The following MGAT4C variants were observed in gnomAD, a reference collection of about 807,000 sequenced individuals.
The protein encoded by MGAT4C is MGAT4 family member C, also known as alpha-1,3-mannosyl-glycoprotein 4-beta-N-acetylglucosaminyltransferase C.
MGAT4C carries 19 observed loss-of-function variants against 40.1 expected under a neutral mutation model. The ratio of observed to expected loss-of-function variants is 0.47; its 90% CI spans 0.33 to 0.70. The LOEUF (loss-of-function observed/expected upper bound fraction) is 0.70, where lower values mean the gene tolerates loss of function less well. MGAT4C is among the 30% of genes least tolerant of loss of function. The pLI is 0.02. For missense variants in MGAT4C, 491 were observed against 563.2 expected (o/e 0.87, Z 1.30); for synonymous variants, 181 against 187.1 (o/e 0.97, Z 0.27).
intron 2 of MGAT4C, among the ~76,000 whole-genome samples, chr12:86,581,293 C>A (rs994290154): frequency 6.6e-6 from 1 of 151,322 alleles, no homozygotes; most frequent in Non-Finnish European, 1.5e-5. Flanking sequence ...CTTCCTTGTG[C>A]CTAGATAATA....
Position 86,652,962 on chromosome 12 carries a change from T to C in MGAT4C, c.-229+74247A>G, listed in dbSNP as rs967276179. On this transcript the variant is annotated intron_variant, in intron 2 of 7. Transcript: ENST00000548651. ...TAATCATACCAAAATTTGTCATTTT[T>C]TTAGTACTCACAACAGAATTATTCT... Among the ~76,000 whole-genome samples the C allele has an allele frequency of 5.2e-4, 79 of 152,048 alleles. 1 individual carries two copies. The highest frequency in any genetic ancestry group is 1.5e-3 in the Admixed American group (23 of 15,216).
chr12:86,124,191 G>A (rs1879887923), intron 1 of MGAT4C, among the ~76,000 whole-genome samples: 2 of 152,060 alleles, frequency 1.3e-5, no homozygotes. Context: ...TACACTACCT[G>A]TGTCATTAGC....
chr12:86,734,584 C>T (rs1565954899), intron 1 of MGAT4C, among the ~76,000 whole-genome samples: 2 of 151,944 alleles, frequency 1.3e-5, no homozygotes. Context: ...AGATTAATAA[C>T]CCCCATAGAA....
At chr12:86,026,761 C>T (rs1237433150) in intron 2 of MGAT4C, among the ~76,000 whole-genome samples, 4 of 151,846 alleles carry the variant, frequency 2.6e-5, no homozygotes, top group African/African-American at 9.7e-5. Flanking sequence ...GATCTTCCCC[C>T]AGTAAATTTA....
Position 86,399,426 on chromosome 12 carries a change from C to T in MGAT4C, c.-120+35731G>A, listed in dbSNP as rs547173099. ...CCTCCCGAGTAGCTGGGACTACAGG[C>T]GCCCGCCACCACACCCGGCTAATTT... On this transcript the variant is annotated intron_variant, in intron 3 of 7. Transcript: ENST00000548651. Among the ~76,000 whole-genome samples the T allele has an allele frequency of 2.5e-3, 386 of 151,968 alleles. 2 individuals are homozygous for T. The highest frequency in any genetic ancestry group is 3.6e-3 in the Non-Finnish European group (248 of 67,966).
intron 2 of MGAT4C, among the ~76,000 whole-genome samples, chr12:86,496,557 T>G (rs1958239521): frequency 6.6e-6 from 1 of 151,606 alleles, no homozygotes; most frequent in Non-Finnish European, 1.5e-5. Context: ...ATGCTTAAAA[T>G]ATCTGTAAAA....
intron 3 of MGAT4C, among the ~76,000 whole-genome samples, chr12:86,357,391 A>G (rs1386723266): frequency 6.6e-6 from 1 of 152,182 alleles, no homozygotes; most frequent in Admixed American, 6.5e-5. Flanking sequence ...AGAAAAGTGG[A>G]AAATTCTAAA....
At chr12:86,712,337 G>A (rs1456300541) in intron 2 of MGAT4C, among the ~76,000 whole-genome samples, 14 of 152,126 alleles carry the variant, frequency 9.2e-5, no homozygotes, top group Non-Finnish European at 2.1e-4. Flanking sequence ...AGTGTTTTCT[G>A]AAATTAAGAT....
At chr12:86,821,567 T>G (rs945020639) in intron 1 of MGAT4C, among the ~76,000 whole-genome samples, 1 of 150,970 alleles carries the variant, frequency 6.6e-6, no homozygotes, top group Non-Finnish European at 1.5e-5. Context: ...TAATGATACT[T>G]ATCATATAGT....
intron 3 of MGAT4C, among the ~76,000 whole-genome samples, chr12:86,422,049 A>G (rs559057078): frequency 1.3e-5 from 2 of 152,298 alleles, no homozygotes; most frequent in South Asian, 2.1e-4. Flanking sequence ...CCTTGAATTG[A>G]GGCTTAGAAA....
At chr12:86,774,344 TCTCTCTCTCCCCTC>T (rs1951708479) in intron 1 of MGAT4C, among the ~76,000 whole-genome samples, 13 of 69,922 alleles carry the variant, frequency 1.9e-4, no homozygotes, top group South Asian at 5.8e-4. Flanking sequence ...TCTTTCTGTC[TCTCTCTCTCCCCTC>T]TCTCTCTCTC....
chr12:86,275,319 C>T (rs1213221020), intron 4 of MGAT4C, among the ~76,000 whole-genome samples: 1 of 128,366 alleles, frequency 7.8e-6, no homozygotes, highest in Non-Finnish European at 1.6e-5. Flanking sequence ...AACTTAATCA[C>T]CTTGTGATCT....
chr12:86,803,658 T>C (rs1323498526), intron 1 of MGAT4C, among the ~76,000 whole-genome samples: 1 of 150,226 alleles, frequency 6.7e-6, no homozygotes, highest in African/African-American at 2.4e-5. Flanking sequence ...AAAAAACACA[T>C]GAAAAAATGC....
At chr12:86,755,293 A>G (rs890882452) in intron 1 of MGAT4C, among the ~76,000 whole-genome samples, 2 of 152,156 alleles carry the variant, frequency 1.3e-5, no homozygotes, top group African/African-American at 2.4e-5. Flanking sequence ...TAGCCCCACA[A>G]CCATATGAGC....
rs1057196275 is a variant in MGAT4C at position 86,305,914 on chromosome 12, A to T, written c.-57+28151T>A. Among the ~76,000 whole-genome samples, 5 of 150,452 alleles carry T rather than the reference A, an allele frequency of 3.3e-5. 1 individual carries two copies. The highest frequency in any genetic ancestry group is 1.3e-4 in the African/African-American group (5 of 39,912). ...TATGGAGGGGTGACTGCACTTACTTACTTTTATATAAAGTTGTTCACATTC... is the reference window on the plus strand; with the variant it reads ...TATGGAGGGGTGACTGCACTTACTTTCTTTTATATAAAGTTGTTCACATTC... On this transcript the variant is annotated intron_variant, in intron 4 of 7. Coordinates refer to the MGAT4C transcript ENST00000548651.
intron 2 of MGAT4C, among the ~76,000 whole-genome samples, chr12:86,621,455 G>C (rs1223144904): frequency 6.6e-6 from 1 of 152,068 alleles, no homozygotes; most frequent in Non-Finnish European, 1.5e-5. Context: ...TATAATGTTT[G>C]CTTTTTTGTT....
At chr12:86,401,408 T>A (rs1482794939) in intron 3 of MGAT4C, among the ~76,000 whole-genome samples, 1 of 151,918 alleles carries the variant, frequency 6.6e-6, no homozygotes, top group East Asian at 1.9e-4. Flanking sequence ...TACATATAAT[T>A]TTAACAATAA....
At chr12:86,523,490 G>T (rs949836212) in intron 2 of MGAT4C, among the ~76,000 whole-genome samples, 2 of 152,142 alleles carry the variant, frequency 1.3e-5, no homozygotes, top group African/African-American at 2.4e-5. Context: ...TGCATTTGCT[G>T]AAGGTTTTAC....
chr12:86,196,890 C>G (rs755513847), intron 1 of MGAT4C, among the ~76,000 whole-genome samples: 1 of 152,094 alleles, frequency 6.6e-6, no homozygotes, highest in East Asian at 1.9e-4. Context: ...CACTTTGTCT[C>G]TCTAGAACAT....
Sources: gnomAD v4.1 joint callset for allele counts (sites outside exome capture counted in the v4.1 genomes callset) on GRCh38, gnomAD v4.1.1 for gene constraint, MANE v1.5 for transcripts, NCBI Gene and HGNC (gene_info 2026-07-23, HGNC 2026-07-21) for gene names.